Variants in PCDHA13 observed in about 807,000 individuals in gnomAD.
PCDHA13 encodes protocadherin alpha-13.
Under a neutral mutation model 64.8 loss-of-function variants are expected in PCDHA13, and 54 were observed. The ratio of observed to expected loss-of-function variants is 0.83; its 90% CI spans 0.67 to 1.04. PCDHA13 has a LOEUF of 1.04. Ranked by LOEUF, PCDHA13 falls within the 50% of genes least tolerant of loss-of-function variation. PCDHA13 has a pLI of 0.00. For synonymous variants in PCDHA13, 587 were observed against 564.4 expected (o/e 1.04, Z -0.57); for missense variants, 1,248 against 1,254.3 (o/e 0.99, Z 0.08).
At chr5:140,936,242 T>C (rs2090852443) in intron 1 of PCDHA13, among the ~76,000 whole-genome samples, 1 of 152,196 alleles carries the variant, frequency 6.6e-6, no homozygotes, top group African/African-American at 2.4e-5. Flanking sequence ...AAAGAAAACA[T>C]ATCCTGCTTC....
intron 1 of PCDHA13, among the ~76,000 whole-genome samples, chr5:140,924,406 C>T (rs1353288147): frequency 6.6e-6 from 1 of 152,132 alleles, no homozygotes; most frequent in Non-Finnish European, 1.5e-5. Context: ...CCTTATATCA[C>T]AGTGTGCCCT....
intron 1 of PCDHA13, chr5:140,967,043 G>A: frequency 6.2e-7 from 1 of 1,612,108 alleles, no homozygotes; most frequent in Non-Finnish European, 8.5e-7. Context: ...CCTGGAGCTG[G>A]ACCTGACGAG....
rs549701659 is a variant in PCDHA13 at position 140,937,333 on chromosome 5, G to C, written c.2395-41616G>C. On this transcript the variant is annotated intron_variant, in intron 1 of 3. Transcript: ENST00000289272. ...ATTACAGGCGTGAGCCACCGCGCCCGGCTTCTTCCATTTATTTTATTATTT... is the reference window on the plus strand; with the variant it reads ...ATTACAGGCGTGAGCCACCGCGCCCCGCTTCTTCCATTTATTTTATTATTT... Among the ~76,000 whole-genome samples the C allele has an allele frequency of 2.8e-3, 423 of 151,952 alleles. 2 individuals carry two copies. Among genetic ancestry groups the C allele is most frequent in the Middle Eastern group, 0.014 (4 of 294 alleles).
Position 140,883,585 on chromosome 5 carries a change from C to G in PCDHA13, c.1317C>G (p.Ala439=). ...DGGSPSLWAT[A]SVSVGVADVN... is the part of the protein sequence containing the mutation. ...GCTCGCCTTCGCTGTGGGCCACGGC[C>G]AGCGTGTCGGTGGGGGTGGCCGACG... The change falls in exon 1 of 4, where the codon GCC becomes GCG. Residue 439 remains alanine, a synonymous_variant. Coordinates refer to ENST00000289272, the MANE Select transcript of PCDHA13 (RefSeq NM_018904.3). 6.2e-7 allele frequency: 1 copy of G among 1,614,028 alleles called. No individual in the cohort carries two copies. Among genetic ancestry groups the G allele is most frequent in the Non-Finnish European group, 8.5e-7 (1 of 1,179,954 alleles).
chr5:140,951,220 C>G (rs1554219798), intron 1 of PCDHA13, among the ~76,000 whole-genome samples: 1 of 151,926 alleles, frequency 6.6e-6, no homozygotes, highest in Non-Finnish European at 1.5e-5. Context: ...GGTTTGGATT[C>G]TTGATGGTCT....
rs150544958 is a variant in PCDHA13, at chr5:140,940,065, T to C, written c.2395-38884T>C. ...TATTAGATTCTTAACCAAATATAAA[T>C]ATGTGATATCTTTCTGCTAAATTGA... On this transcript the variant is annotated intron_variant, in intron 1 of 3. Coordinates refer to ENST00000289272, the MANE Select transcript of PCDHA13 (RefSeq NM_018904.3). Among the ~76,000 whole-genome samples the C allele has an allele frequency of 2.1e-3, 313 of 152,364 alleles. 1 individual carries two copies. Among genetic ancestry groups the C allele is most frequent in the African/African-American group, 7.1e-3 (295 of 41,596 alleles).
intron 1 of PCDHA13, among the ~76,000 whole-genome samples, chr5:140,974,029 A>G (rs2096612369): frequency 6.6e-6 from 1 of 152,238 alleles, no homozygotes; most frequent in Admixed American, 6.5e-5. Flanking sequence ...ACAACTATAA[A>G]TTTAGCTTAT....
In PCDHA13 at chr5:140,882,238, G is replaced by T; in HGVS notation, c.-31G>T. ...TTTGAGGTAAGGCGTTGTATATATT[G>T]CAGATAGCTCTGAGGTTTTTGGAGT... On this transcript the variant is annotated 5_prime_UTR_variant, in exon 1 of 4. Coordinates refer to ENST00000289272, the MANE Select transcript of PCDHA13 (RefSeq NM_018904.3). 6.3e-7 allele frequency: 1 copy of T among 1,583,494 alleles called. No homozygotes were observed. Among genetic ancestry groups the T allele is most frequent in the Non-Finnish European group, 8.6e-7 (1 of 1,164,014 alleles).
intron 2 of PCDHA13, among the ~76,000 whole-genome samples, chr5:140,980,905 A>G (rs182283088): frequency 1.5e-4 from 23 of 152,274 alleles, no homozygotes; most frequent in Admixed American, 1.4e-3. Context: ...ACATCATGTA[A>G]CTATTCTTTA....
rs943373745 is a variant in PCDHA13 at position 140,935,260 on chromosome 5, G to A, written c.2395-43689G>A. Among the ~76,000 whole-genome samples the A allele has an allele frequency of 3.3e-5, 5 of 152,168 alleles. No individual in the cohort carries two copies. In the South Asian group the frequency reaches 8.3e-4, roughly 25 times the overall value. On this transcript the variant is annotated intron_variant, in intron 1 of 3. Transcript: ENST00000289272. ...TTTTAAAAGATAAAATACATCACAT[G>A]TTTATACTAATCTAATAAAGTTCAG... is the stretch of plus-strand genomic sequence containing the variant.
intron 3 of PCDHA13, among the ~76,000 whole-genome samples, chr5:140,996,163 A>G (rs183777507): frequency 4.8e-4 from 73 of 152,326 alleles, no homozygotes; most frequent in African/African-American, 1.5e-3. Flanking sequence ...TTATACTGCA[A>G]TGTGCTGACA....
chr5:140,965,539 T>C (rs1554227755), intron 1 of PCDHA13, among the ~76,000 whole-genome samples: 1 of 152,034 alleles, frequency 6.6e-6, no homozygotes, highest in East Asian at 1.9e-4. Context: ...GGAATCCAAA[T>C]TCCAGCCTGG....
chr5:141,006,126 G>T (rs1554260581), intron 3 of PCDHA13, among the ~76,000 whole-genome samples: 1 of 151,330 alleles, frequency 6.6e-6, no homozygotes. Flanking sequence ...TTTTCTCAAG[G>T]CAGTAGAAAG....
chr5:140,886,062 C>T (rs925772414), intron 1 of PCDHA13, among the ~76,000 whole-genome samples: 10 of 152,172 alleles, frequency 6.6e-5, no homozygotes, highest in Non-Finnish European at 1.2e-4. Context: ...CTTACAAAAG[C>T]GTAGGGCCAT....
At chr5:140,954,948 G>A (rs1163066790) in intron 1 of PCDHA13, among the ~76,000 whole-genome samples, 2 of 152,204 alleles carry the variant, frequency 1.3e-5, no homozygotes, top group Non-Finnish European at 1.5e-5. Flanking sequence ...GTTAATTTTT[G>A]TATAAGATGT....
chr5:140,941,202 C>CCTTCCTTTCTTTCTTTCTTT lies in PCDHA13; in HGVS notation c.2395-37744_2395-37743insCCTTTCTTTCTTTCTTTCTT, dbSNP rs1554213920. 2.0e-4 allele frequency among the ~76,000 whole-genome samples: 24 copies of CCTTCCTTTCTTTCTTTCTTT among 122,828 alleles called. 1 individual carries two copies. Among genetic ancestry groups the CCTTCCTTTCTTTCTTTCTTT allele is most frequent in the Non-Finnish European group, 2.3e-4 (13 of 55,838 alleles). The allele number at this position is 122,828 out of a possible 152,430, so 80.6% of individuals were successfully genotyped here. A position where few individuals can be genotyped will look rare whatever the true frequency, so the allele number is the denominator to read the frequency against. ...TCCTGCTTCTTTTTTTTTCTTTCTTCCTTTCTTTCTTCCTTTCTTTCTTTC... is the reference window on the plus strand; with the variant it reads ...TCCTGCTTCTTTTTTTTTCTTTCTTCCTTCCTTTCTTTCTTTCTTTCTTTCTTTCTTCCTTTCTTTCTTTC... On this transcript the variant is annotated intron_variant, in intron 1 of 3. Coordinates refer to ENST00000289272, the MANE Select transcript of PCDHA13 (RefSeq NM_018904.3).
chr5:140,903,317 A>G (rs1364222131), intron 1 of PCDHA13, among the ~76,000 whole-genome samples: 1 of 152,204 alleles, frequency 6.6e-6, no homozygotes, highest in African/African-American at 2.4e-5. Context: ...TAAAGACAGC[A>G]TTTTTATTGA....
intron 1 of PCDHA13, among the ~76,000 whole-genome samples, chr5:140,972,097 T>C (rs1554233843): frequency 1.3e-5 from 2 of 152,196 alleles, no homozygotes; most frequent in South Asian, 2.1e-4. Context: ...ATTTCTGGCA[T>C]AGAAGCAGGT....
intron 1 of PCDHA13, among the ~76,000 whole-genome samples, chr5:140,908,084 T>G (rs2073791096): frequency 6.6e-6 from 1 of 152,202 alleles, no homozygotes; most frequent in Non-Finnish European, 1.5e-5. Context: ...CACAACCAGG[T>G]GCACTGATTG....
Sources: gnomAD v4.1 joint callset for allele counts (sites outside exome capture counted in the v4.1 genomes callset) on GRCh38, gnomAD v4.1.1 for gene constraint, MANE v1.5 for transcripts, NCBI Gene and HGNC (gene_info 2026-07-23, HGNC 2026-07-21) for gene names.